Variants in FMNL3 observed in about 807,000 individuals in gnomAD.
FMNL3 encodes the protein formin like 3.
Under a neutral mutation model 119.6 loss-of-function variants are expected in FMNL3, and 57 were observed. The observed-to-expected ratio is 0.48, with a 90% CI of 0.39 to 0.59. FMNL3 has a LOEUF of 0.59. Ranked by LOEUF, FMNL3 falls within the 20% of genes least tolerant of loss-of-function variation. The probability of loss-of-function intolerance (pLI) is 0.00; values close to 1 mark genes in which losing one functional copy is unlikely to be tolerated. For synonymous variants in FMNL3, 491 were observed against 507.3 expected (o/e 0.97, Z 0.43); for missense variants, 1,053 against 1,323.5 (o/e 0.80, Z 3.17).
chr12:49,656,038 C>T (rs1943558615), intron 9 of FMNL3, among the ~76,000 whole-genome samples: 1 of 151,960 alleles, frequency 6.6e-6, no homozygotes, highest in Non-Finnish European at 1.5e-5. Context: ...AGACTCCCAT[C>T]TGGGGAGTCA....
chr12:49,686,368 T>TCAA (rs1174173834), intron 1 of FMNL3, among the ~76,000 whole-genome samples: 1 of 151,438 alleles, frequency 6.6e-6, no homozygotes, highest in African/African-American at 2.4e-5. Context: ...GATCACGAGG[T>TCAA]TAGGAGACCA....
intron 1 of FMNL3, among the ~76,000 whole-genome samples, chr12:49,697,784 A>G (rs1944790693): frequency 6.6e-6 from 1 of 152,154 alleles, no homozygotes; most frequent in Non-Finnish European, 1.5e-5. Flanking sequence ...TAGGATAGGT[A>G]TTATCCTCAC....
chr12:49,649,191 C>CTAATT lies in FMNL3; in HGVS notation c.2386-34_2386-33insAATTA. Reference sequence around the variant, plus strand: ...AGGGGGTGAGGGCGGTGCACAAGAGCTAAGCACTCTGGCTCCACAACTGCT... The same window carrying CTAATT: ...AGGGGGTGAGGGCGGTGCACAAGAGCTAATTTAAGCACTCTGGCTCCACAACTGCT... On this transcript the variant is annotated intron_variant, in intron 20 of 25. Coordinates refer to ENST00000335154, the MANE Select transcript of FMNL3 (RefSeq NM_175736.5). The surrounding 1 kb of genome is among the most constrained non-coding windows in gnomAD (Gnocchi z 5.6). The CTAATT allele has an allele frequency of 1.2e-6, 2 of 1,612,174 alleles. No individual in the cohort carries two copies. The highest frequency in any genetic ancestry group is 1.1e-5 in the South Asian group (1 of 90,620).
rs781430459 is a variant in FMNL3 at position 49,707,115 on chromosome 12, C to A, written c.66G>T (p.Pro22=). The A allele has an allele frequency of 1.7e-5, 27 of 1,604,498 alleles. 1 individual carries two copies. In the South Asian group the frequency reaches 2.9e-4, roughly 17 times the overall value. The change falls in exon 1 of 26, where the codon CCG becomes CCT. Residue 22 remains proline (P), a synonymous_variant. Coordinates refer to ENST00000335154, the MANE Select transcript of FMNL3 (RefSeq NM_175736.5). ...GCTCAGGCATCGGCATCTTGCCGGG[C>A]GGCAGCAACAACGGGACAGAGGGGG... is the stretch of plus-strand genomic sequence containing the variant. ...GEPPSVPLLL[P]PGKMPMPEPC... is the part of the protein sequence containing the mutation.
chr12:49,678,495 C>G (rs1468561756), intron 1 of FMNL3, among the ~76,000 whole-genome samples: 1 of 151,856 alleles, frequency 6.6e-6, no homozygotes, highest in Non-Finnish European at 1.5e-5. Flanking sequence ...CAGGGTCTCA[C>G]TTTGTCATCC....
chr12:49,645,723 C>G lies in FMNL3; in HGVS notation c.*92G>C. The G allele has an allele frequency of 9.2e-7, 1 of 1,087,288 alleles. No homozygotes were observed. The highest frequency in any genetic ancestry group is 2.1e-4 in the Middle Eastern group (1 of 4,818). 67.4% of individuals were successfully genotyped at this position (1,087,288 alleles called of 1,614,324 possible). A position where few individuals can be genotyped will look rare whatever the true frequency, so the allele number is the denominator to read the frequency against. Reference sequence around the variant, plus strand: ...GGCGGACATGGTTGAGAGAGCAACACAGCCCTCTCCTGAGCCCTTGGCCAA... The same window carrying G: ...GGCGGACATGGTTGAGAGAGCAACAGAGCCCTCTCCTGAGCCCTTGGCCAA... On this transcript the variant is annotated 3_prime_UTR_variant, in exon 26 of 26. Transcript: ENST00000335154.
At position 49,636,796 on chromosome 12, in the gene FMNL3, C is replaced by T. The variant is rs764686125; in HGVS notation, c.*9019G>A. On this transcript the variant is annotated 3_prime_UTR_variant, in exon 26 of 26. Transcript: ENST00000335154. ...GAGGGAAGAGGAGGAGGAACGGGAGCGGGCCCGGCTTCGGGAGCGACGCCA... is the reference window on the plus strand; with the variant it reads ...GAGGGAAGAGGAGGAGGAACGGGAGTGGGCCCGGCTTCGGGAGCGACGCCA... 1.2e-5 allele frequency: 19 copies of T among 1,614,070 alleles called. No homozygotes were observed. Among genetic ancestry groups the T allele is most frequent in the African/African-American group, 4.0e-5 (3 of 74,916 alleles).
intron 1 of FMNL3, among the ~76,000 whole-genome samples, chr12:49,681,224 G>T (rs778640291): frequency 3.7e-4 from 56 of 152,300 alleles, no homozygotes; most frequent in Non-Finnish European, 6.2e-4. Context: ...TTTTTGAGAC[G>T]GAGTCTCGCT....
intron 1 of FMNL3, among the ~76,000 whole-genome samples, chr12:49,680,238 C>A (rs985669029): frequency 6.6e-6 from 1 of 152,226 alleles, no homozygotes; most frequent in Non-Finnish European, 1.5e-5. Context: ...CATCTAAGAG[C>A]TTATTATAAA....
chr12:49,644,410 G>A lies in FMNL3; in HGVS notation c.*1405C>T. On this transcript the variant is annotated 3_prime_UTR_variant, in exon 26 of 26. Transcript: ENST00000335154. The stretch of plus-strand genomic sequence containing the variant: ...AGTGCAGTCCTTGCCCTCAGCCCCA[G>A]ACCAGAGATGGGTGGTATATGCCAT... 2 of 576,488 alleles carry A rather than the reference G, an allele frequency of 3.5e-6. No individual in the cohort carries two copies. The highest frequency in any genetic ancestry group is 6.2e-6 in the Non-Finnish European group (2 of 320,064). 35.7% of individuals were successfully genotyped at this position (576,488 alleles called of 1,614,324 possible).
At chr12:49,666,269 G>A in intron 2 of FMNL3, 62 bp from the exon 3 acceptor site, 1 of 1,419,282 alleles carries the variant, frequency 7.0e-7, no homozygotes, top group Non-Finnish European at 9.8e-7. Context: ...GGAGGGCACT[G>A]AGGAAGAAGA....
chr12:49,648,320 T>C lies in FMNL3; in HGVS notation c.2549A>G (p.Glu850Gly). The change falls in exon 22 of 26, where the codon GAG (glutamate) becomes GGG (glycine). Residue 850 changes from glutamate (E) to glycine (G), a missense_variant. Glu to Gly is a moderately conservative substitution (Grantham distance 98). This residue lies in a region of FMNL3 where 324 missense variants were observed against 380.9 expected (regional missense o/e 0.85). Transcript: ENST00000335154. ...AATCAGCTCCATGCCCCGGCCCAGC[T>C]CCTTCACGTCCAGCAGCACGTTCTC... The part of the protein sequence containing the change: ...SLENVLLDVK[E>G]LGRGMELIRR... 1 of 1,613,256 alleles carries C rather than the reference T, an allele frequency of 6.2e-7. No individual in the cohort carries two copies. Among genetic ancestry groups the C allele is most frequent in the South Asian group, 1.1e-5 (1 of 90,982 alleles).
chr12:49,693,837 G>A (rs1262836032), intron 1 of FMNL3, among the ~76,000 whole-genome samples: 1 of 151,014 alleles, frequency 6.6e-6, no homozygotes. Flanking sequence ...TAGTAGAGGC[G>A]GGGTTTCTCT....
At chr12:49,656,357 T>C in intron 9 of FMNL3, 47 bp downstream of exon 9, 1 of 1,508,278 alleles carries the variant, frequency 6.6e-7, no homozygotes, top group South Asian at 1.2e-5. Context: ...CTCCCTGCCT[T>C]CTCCCCCGCA....
In FMNL3 at chr12:49,641,683, C is replaced by T. The variant is rs1942672545; in HGVS notation, c.*4132G>A. On this transcript the variant is annotated 3_prime_UTR_variant, in exon 26 of 26. Transcript: ENST00000335154. ...TTAATCAGCAGTTGGGAGACATCTC[C>T]CAACCCCTTCAGCTCTGTGTGACAT... is the stretch of plus-strand genomic sequence containing the variant. The T allele has an allele frequency of 5.6e-6, 3 of 540,342 alleles. No individual in the cohort carries two copies. In the Admixed American group the frequency reaches 9.9e-5, roughly 18 times the overall value. 33.5% of individuals were successfully genotyped at this position (540,342 alleles called of 1,614,324 possible).
intron 6 of FMNL3, 42 bp from the exon 7 acceptor site, chr12:49,657,232 C>T: frequency 6.7e-7 from 1 of 1,489,928 alleles, no homozygotes; most frequent in Non-Finnish European, 9.4e-7. Flanking sequence ...GCTGAGGCTG[C>T]CAGTGAAGCA....
At chr12:49,679,685 C>A (rs1479492780) in intron 1 of FMNL3, among the ~76,000 whole-genome samples, 7 of 151,974 alleles carry the variant, frequency 4.6e-5, no homozygotes, top group Non-Finnish European at 1.0e-4. Flanking sequence ...CACCATCATG[C>A]CTGGGTAAAT....
rs759590657 is a variant in FMNL3 at position 49,645,773 on chromosome 12, T to A, written c.*42A>T. On this transcript the variant is annotated 3_prime_UTR_variant, in exon 26 of 26. Coordinates refer to ENST00000335154, the MANE Select transcript of FMNL3 (RefSeq NM_175736.5). ...ATTCCAGGTCCACTGGTTGGACTTGTAGGACTCTGAGGGGTGAAGTGCTTC... is the reference window on the plus strand; with the variant it reads ...ATTCCAGGTCCACTGGTTGGACTTGAAGGACTCTGAGGGGTGAAGTGCTTC... 6.5e-7 allele frequency: 1 copy of A among 1,548,358 alleles called. No homozygotes were observed. The highest frequency in any genetic ancestry group is 1.1e-5 in the South Asian group (1 of 87,058).
intron 1 of FMNL3, among the ~76,000 whole-genome samples, chr12:49,675,436 A>G (rs1320842807): frequency 6.6e-6 from 1 of 152,188 alleles, no homozygotes; most frequent in African/African-American, 2.4e-5. Context: ...CCTGCAGCCA[A>G]CCAACGACCT....
Sources: gnomAD v4.1 joint callset for allele counts (sites outside exome capture counted in the v4.1 genomes callset) on GRCh38, gnomAD v4.1.1 for gene constraint, gnomAD v4.1.1 regional missense constraint, Gnocchi (gnomAD v3.1) non-coding constraint, MANE v1.5 for transcripts, NCBI Gene and HGNC (gene_info 2026-07-23, HGNC 2026-07-21) for gene names.